FRY: variants seen among roughly 807,000 people sequenced by gnomAD.
FRY encodes the protein protein furry homolog.
In FRY, 128 loss-of-function variants were observed where a neutral mutation model predicts 348.4. The observed-to-expected ratio is 0.37, with a 90% confidence interval of 0.32 to 0.43. The LOEUF is 0.43. Among genes scored for constraint, FRY ranks in the 20% least tolerant of loss-of-function variants. FRY has a pLI of 1.00. For missense variants in FRY, 2,736 were observed against 3,695.2 expected (o/e 0.74, Z 6.73); for synonymous variants, 1,370 against 1,374.7 (o/e 1.00, Z 0.08).
intron 14 of FRY, among the ~76,000 whole-genome samples, chr13:32,151,405 T>C (rs1186922745): frequency 6.6e-6 from 1 of 152,272 alleles, no homozygotes; most frequent in African/African-American, 2.4e-5. Flanking sequence ...TTGGTAATTA[T>C]AAGCCCAAAG....
intron 20 of FRY, 152 bp from the exon 21 acceptor site, chr13:32,178,025 G>A: frequency 2.6e-6 from 2 of 772,282 alleles, no homozygotes; most frequent in South Asian, 3.0e-5. Flanking sequence ...AAGGTCAAAT[G>A]TGGTAGGTGC....
intron 11 of FRY, among the ~76,000 whole-genome samples, chr13:32,139,804 T>C (rs1027968421): frequency 6.6e-6 from 1 of 152,124 alleles, no homozygotes; most frequent in African/African-American, 2.4e-5. Flanking sequence ...TCTGAACATA[T>C]TGTGCTATAA....
chr13:32,236,379 G>A (rs112883986), intron 43 of FRY, among the ~76,000 whole-genome samples: 1,979 of 151,802 alleles, frequency 0.013, 48 homozygotes, highest in African/African-American at 0.045. Flanking sequence ...CATTATATAA[G>A]TATTTTAAAA....
intron 55 of FRY, among the ~76,000 whole-genome samples, chr13:32,268,751 T>A (rs1013233162): frequency 8.6e-4 from 130 of 151,924 alleles, no homozygotes; most frequent in African/African-American, 3.1e-3. Flanking sequence ...CTCAGCTCAC[T>A]CTGCCTCCCA....
chr13:32,258,076 T>G (rs1042321152), intron 51 of FRY: 12 of 874,668 alleles, frequency 1.4e-5, no homozygotes, highest in Non-Finnish European at 1.9e-5. Context: ...AGAATATATA[T>G]GCTTATTTGC....
At chr13:32,083,355 G>T (rs1360894261) in intron 2 of FRY, among the ~76,000 whole-genome samples, 2 of 151,966 alleles carry the variant, frequency 1.3e-5, no homozygotes, top group Admixed American at 6.6e-5. Context: ...TTACAACTTT[G>T]CTTTTATGTC....
At chr13:32,268,505 A>ATATATATATATATATATATAT (rs1555273231) in intron 55 of FRY, among the ~76,000 whole-genome samples, 1 of 28,290 alleles carries the variant, frequency 3.5e-5, no homozygotes, top group Non-Finnish European at 8.2e-5. Context: ...AAAAAAAAAA[A>ATATATATATATATATATATAT]ATATATATAT....
At chr13:32,149,644 T>C in intron 13 of FRY, 104 bp from the exon 14 acceptor site, 3 of 734,178 alleles carry the variant, frequency 4.1e-6, no homozygotes, top group South Asian at 1.5e-5. Context: ...GCCCCTCCTC[T>C]TTTAGCCACC....
At chr13:32,267,008 A>G (rs1305408670) in intron 54 of FRY, among the ~76,000 whole-genome samples, 162 bp from the exon 55 acceptor site, 1 of 152,194 alleles carries the variant, frequency 6.6e-6, no homozygotes, top group Non-Finnish European at 1.5e-5. Context: ...AAAGAATCAC[A>G]GTGACTGCTG....
chr13:32,053,615 G>A (rs1873458734), intron 1 of FRY, among the ~76,000 whole-genome samples: 1 of 152,226 alleles, frequency 6.6e-6, no homozygotes, highest in South Asian at 2.1e-4. Context: ...ATGCCACAGA[G>A]TCCATACTTG....
At chr13:32,257,184 G>T (rs1157634317) in intron 51 of FRY, among the ~76,000 whole-genome samples, 1 of 152,146 alleles carries the variant, frequency 6.6e-6, no homozygotes, top group African/African-American at 2.4e-5. Flanking sequence ...ACCTCTACCT[G>T]CCTGTAGAGC....
At chr13:32,234,524 A>C in intron 41 of FRY, 50 bp from the exon 42 acceptor site, 4 of 1,526,416 alleles carry the variant, frequency 2.6e-6, no homozygotes, top group Non-Finnish European at 3.6e-6. Context: ...TTGATGCCCC[A>C]GAGCATGTAG....
intron 49 of FRY, 95 bp from the exon 50 acceptor site, chr13:32,251,783 A>C: frequency 1.3e-6 from 1 of 792,800 alleles, no homozygotes; most frequent in South Asian, 1.3e-5. Flanking sequence ...TCTATACGTT[A>C]AGTGCTATTG....
At chr13:32,059,696 C>A (rs367928675) in intron 1 of FRY, among the ~76,000 whole-genome samples, 4 of 151,988 alleles carry the variant, frequency 2.6e-5, no homozygotes, top group Non-Finnish European at 4.4e-5. Context: ...CCCCTCCCAC[C>A]TTTTGGAATC....
At chr13:32,254,971 T>G (rs560073796) in intron 51 of FRY, among the ~76,000 whole-genome samples, 78 of 152,300 alleles carry the variant, frequency 5.1e-4, no homozygotes, top group African/African-American at 1.8e-3. Flanking sequence ...AATTCAAGTC[T>G]CAGTGGGCAA....
At chr13:32,152,290 A>G (rs531878452) in intron 14 of FRY, among the ~76,000 whole-genome samples, 22 of 152,346 alleles carry the variant, frequency 1.4e-4, no homozygotes, top group African/African-American at 5.3e-4. Context: ...TATATGGAAA[A>G]TCAAAGGAAC....
At position 32,237,418 on chromosome 13, in the gene FRY, A is replaced by G. The variant is rs1286366970; in HGVS notation, c.5850A>G (p.Thr1950=). 19 of 1,614,086 alleles carry G rather than the reference A, an allele frequency of 1.2e-5. No homozygotes were observed. Among genetic ancestry groups the G allele is most frequent in the Admixed American group, 3.3e-5 (2 of 60,026 alleles). ...ATTTAAGCTCCAGCAGTAAACTAAC[A>G]GCAAGCAGAAAGAGCACAGGACAAC... ...SPDLSSSSKL[T]ASRKSTGQLN... The change falls in exon 44 of 61, where the codon ACA becomes ACG. Residue 1950 remains threonine (T), a synonymous_variant. Coordinates refer to ENST00000542859, the MANE Select transcript of FRY (RefSeq NM_023037.3). The surrounding 1 kb of genome is among the most constrained non-coding windows in gnomAD (Gnocchi z 6.3).
chr13:32,185,932 A>T (rs1015652335), intron 26 of FRY, among the ~76,000 whole-genome samples: 5 of 152,212 alleles, frequency 3.3e-5, no homozygotes, highest in African/African-American at 1.2e-4. Context: ...GGCAGCAGTC[A>T]AAAAACATTT....
chr13:32,225,082 A>G (rs1243415507), intron 38 of FRY, 46 bp downstream of exon 38: 1 of 1,026,138 alleles, frequency 9.7e-7, no homozygotes, highest in African/African-American at 1.6e-5. Context: ...GGTTAAAAAT[A>G]TACAGAAGTA....
Sources: allele counts gnomAD v4.1 joint callset (sites outside exome capture counted in the v4.1 genomes callset), GRCh38; gene constraint gnomAD v4.1.1; non-coding constraint Gnocchi (gnomAD v3.1); transcripts MANE v1.5; gene names NCBI Gene and HGNC (gene_info 2026-07-23, HGNC 2026-07-21).